Variants in NPAS3 observed in about 807,000 individuals in gnomAD.
NPAS3 encodes neuronal PAS domain-containing protein 3.
NPAS3 carries 14 observed loss-of-function variants against 73.1 expected under a neutral mutation model. That is an observed-to-expected ratio of 0.19 (90% CI 0.13 to 0.30). The LOEUF (loss-of-function observed/expected upper bound fraction) is 0.30, where lower values mean the gene tolerates loss of function less well. Among genes scored for constraint, NPAS3 ranks in the 10% least tolerant of loss-of-function variants. NPAS3 has a pLI of 1.00. For missense variants in NPAS3, 1,096 were observed against 1,250.0 expected, an observed-to-expected ratio of 0.88 and a Z score of 1.86; for synonymous variants, 620 against 541.5, an observed-to-expected ratio of 1.14 and a Z score of -2.01.
At chr14:33,068,867 G>A (rs150984131) in intron 2 of NPAS3, among the ~76,000 whole-genome samples, 116 of 152,284 alleles carry the variant, frequency 7.6e-4, no homozygotes, top group Admixed American at 1.4e-3. Flanking sequence ...CACCAGGGAG[G>A]CCAGTGTGGT....
At chr14:33,643,397 A>C (rs950232835) in intron 5 of NPAS3, among the ~76,000 whole-genome samples, 59 of 129,468 alleles carry the variant, frequency 4.6e-4, no homozygotes, top group East Asian at 1.2e-3. Context: ...AAAAAAAAAA[A>C]ACGAGAGAGA....
At chr14:33,289,975 C>G (rs894710053) in intron 3 of NPAS3, among the ~76,000 whole-genome samples, 2 of 152,096 alleles carry the variant, frequency 1.3e-5, no homozygotes, top group African/African-American at 2.4e-5. Context: ...TGGATGTTGT[C>G]TTTTGTACTT....
chr14:33,223,268 G>A (rs1183954821), intron 3 of NPAS3, among the ~76,000 whole-genome samples: 3 of 152,082 alleles, frequency 2.0e-5, no homozygotes, highest in Non-Finnish European at 2.9e-5. Context: ...CCGAGACTGC[G>A]CCTCTTCATT....
At chr14:33,416,309 AT>A (rs1263531939) in intron 4 of NPAS3, among the ~76,000 whole-genome samples, 1 of 152,084 alleles carries the variant, frequency 6.6e-6, no homozygotes, top group Non-Finnish European at 1.5e-5. Flanking sequence ...GGGAAAAAAA[AT>A]AATTTATCTT....
At chr14:33,485,785 C>G (rs1403612117) in intron 4 of NPAS3, among the ~76,000 whole-genome samples, 1 of 152,078 alleles carries the variant, frequency 6.6e-6, no homozygotes, top group Non-Finnish European at 1.5e-5. Flanking sequence ...TCCTTGGTTT[C>G]TTCTCTCCCC....
chr14:33,507,822 A>T (rs889247215), intron 4 of NPAS3, among the ~76,000 whole-genome samples: 5 of 151,904 alleles, frequency 3.3e-5, no homozygotes, highest in African/African-American at 1.2e-4. Flanking sequence ...GTGTTTTTGT[A>T]CTTTCTCTTT....
chr14:33,215,227 C>A (rs2047177133), exon 3 of NPAS3: 1 of 1,613,048 alleles, frequency 6.2e-7, no homozygotes, highest in African/African-American at 1.3e-5. Context: ...CTGCTCGCTC[C>A]CGCCGGGGAA....
chr14:33,390,743 G>A (rs903573348), intron 4 of NPAS3, among the ~76,000 whole-genome samples: 2 of 152,266 alleles, frequency 1.3e-5, no homozygotes, highest in Non-Finnish European at 1.5e-5. Flanking sequence ...GTGGGGAAAA[G>A]TATGCATCTG....
At chr14:33,242,243 G>A (rs1381558052) in intron 3 of NPAS3, among the ~76,000 whole-genome samples, 1 of 151,976 alleles carries the variant, frequency 6.6e-6, no homozygotes. Flanking sequence ...ATGTATTTTG[G>A]TTTATAGTTC....
intron 2 of NPAS3, among the ~76,000 whole-genome samples, chr14:33,157,033 T>C (rs1054262957): frequency 6.6e-6 from 1 of 152,182 alleles, no homozygotes; most frequent in African/African-American, 2.4e-5. Flanking sequence ...GACTACATCA[T>C]TTCCAAAACC....
intron 4 of NPAS3, among the ~76,000 whole-genome samples, chr14:33,556,039 A>T (rs1464108544): frequency 6.6e-6 from 1 of 152,066 alleles, no homozygotes; most frequent in Non-Finnish European, 1.5e-5. Context: ...ACTCATTTTA[A>T]TCTCACCAGG....
intron 4 of NPAS3, among the ~76,000 whole-genome samples, chr14:33,380,192 G>A (rs561196292): frequency 3.3e-5 from 5 of 152,246 alleles, no homozygotes; most frequent in African/African-American, 1.2e-4. Flanking sequence ...CTGATTTTAA[G>A]AGGTAACTTC....
chr14:33,251,648 T>C (rs2048588661), intron 3 of NPAS3, among the ~76,000 whole-genome samples: 1 of 152,112 alleles, frequency 6.6e-6, no homozygotes, highest in South Asian at 2.1e-4. Flanking sequence ...ATCAGGTATG[T>C]TACATAACAA....
chr14:33,670,954 TA>T lies in NPAS3; in HGVS notation c.559-5256del, dbSNP rs1207661024. ...TTTAATATCAGCCTTACAAAAGCTT[TA>T]TGACATTCTACCTTAAACAGTAGGT... is the stretch of plus-strand genomic sequence containing the variant. On this transcript the variant is annotated intron_variant, in intron 5 of 11. Transcript: ENST00000356141. Among the ~76,000 whole-genome samples the T allele has an allele frequency of 2.0e-5, 3 of 151,996 alleles. 1 individual carries two copies. The highest frequency in any genetic ancestry group is 7.2e-5 in the African/African-American group (3 of 41,408).
intron 4 of NPAS3, among the ~76,000 whole-genome samples, chr14:33,455,664 A>C (rs1240030107): frequency 6.6e-6 from 1 of 152,176 alleles, no homozygotes; most frequent in Non-Finnish European, 1.5e-5. Context: ...ACCATTGCAC[A>C]TGACTGATTC....
intron 3 of NPAS3, among the ~76,000 whole-genome samples, chr14:33,289,327 A>G (rs932774609): frequency 6.6e-6 from 1 of 152,174 alleles, no homozygotes; most frequent in African/African-American, 2.4e-5. Flanking sequence ...ATGTGTGTGC[A>G]TGCGTGTGTG....
intron 2 of NPAS3, among the ~76,000 whole-genome samples, chr14:33,145,505 AT>A (rs1566607707): frequency 6.6e-6 from 1 of 151,596 alleles, no homozygotes; most frequent in East Asian, 1.9e-4. Context: ...TTCACTTTTT[AT>A]TTTTTTCCCT....
chr14:33,531,231 A>G (rs1288072332), intron 4 of NPAS3, among the ~76,000 whole-genome samples: 1 of 152,066 alleles, frequency 6.6e-6, no homozygotes, highest in African/African-American at 2.4e-5. Context: ...TAAAACATAC[A>G]GTAAAATTGA....
At chr14:33,209,479 G>A (rs987989347) in intron 2 of NPAS3, among the ~76,000 whole-genome samples, 2 of 152,020 alleles carry the variant, frequency 1.3e-5, no homozygotes, top group African/African-American at 4.8e-5. Context: ...GTAGGTACTG[G>A]AGTAACTATA....
Sources: gnomAD v4.1 joint callset for allele counts (sites outside exome capture counted in the v4.1 genomes callset) on GRCh38, gnomAD v4.1.1 for gene constraint, MANE v1.5 for transcripts, NCBI Gene and HGNC (gene_info 2026-07-23, HGNC 2026-07-21) for gene names.